METTL15: variants seen among roughly 807,000 people sequenced by gnomAD.
METTL15 encodes methyltransferase 15, mitochondrial 12S rRNA N4-cytidine.
METTL15 carries 34 observed loss-of-function variants against 38.3 expected under a neutral mutation model. That is an observed-to-expected ratio of 0.89 (90% CI 0.68 to 1.18). METTL15 has a LOEUF of 1.18. Among genes scored for constraint, METTL15 ranks in the 50% most tolerant of loss-of-function variants. The pLI is 0.00. For missense variants in METTL15, 438 were observed against 498.4 expected (o/e 0.88, Z 1.15); for synonymous variants, 162 against 170.9 (o/e 0.95, Z 0.41).
At chr11:28,317,285 C>G (rs368976951) in intron 6 of METTL15, among the ~76,000 whole-genome samples, 1 of 152,040 alleles carries the variant, frequency 6.6e-6, no homozygotes, top group South Asian at 2.1e-4. Flanking sequence ...CAGAACCATT[C>G]AAGTTCACAG....
At chr11:28,377,299 A>G (rs868678069) in intron 5 of METTL15, among the ~76,000 whole-genome samples, 3 of 151,858 alleles carry the variant, frequency 2.0e-5, no homozygotes, top group East Asian at 1.9e-4. Flanking sequence ...AGGTACACCA[A>G]TCAGACATAG....
chr11:28,198,661 T>C (rs1234736841), intron 3 of METTL15, among the ~76,000 whole-genome samples: 4 of 152,116 alleles, frequency 2.6e-5, no homozygotes, highest in Non-Finnish European at 4.4e-5. Flanking sequence ...ACAAAGTAAG[T>C]GTTAGCAGAC....
rs1391058369 is a variant in METTL15 at position 28,473,717 on chromosome 11, A to T, written c.*424+49353A>T. Among the ~76,000 whole-genome samples the T allele has an allele frequency of 2.6e-5, 4 of 152,142 alleles. 1 individual carries two copies. In the South Asian group the frequency reaches 6.2e-4, roughly 24 times the overall value. On this transcript the variant is annotated intron_variant and NMD_transcript_variant, in intron 6 of 7. Coordinates refer to the METTL15 transcript ENST00000532947. Reference sequence around the variant, plus strand: ...CGCAGGAGATAAAGAATGGCATTCAAGCTTCTCCACAATTTTGCATTTGCT... The same window carrying T: ...CGCAGGAGATAAAGAATGGCATTCATGCTTCTCCACAATTTTGCATTTGCT...
At chr11:28,113,653 A>C (rs1205759601) in intron 3 of METTL15, 49 bp downstream of exon 3, 1 of 1,572,686 alleles carries the variant, frequency 6.4e-7, no homozygotes, top group Non-Finnish European at 8.6e-7. Context: ...GATAAAATTC[A>C]CTTATTGTAA....
chr11:28,225,160 A>G (rs1853421852), intron 4 of METTL15, among the ~76,000 whole-genome samples: 1 of 151,138 alleles, frequency 6.6e-6, no homozygotes, highest in Non-Finnish European at 1.5e-5. Context: ...CTATCTTGGG[A>G]TTTAGATATT....
At chr11:28,386,162 C>T (rs899558222) in intron 5 of METTL15, among the ~76,000 whole-genome samples, 2 of 151,656 alleles carry the variant, frequency 1.3e-5, no homozygotes, top group African/African-American at 4.8e-5. Context: ...AAAAAATCAA[C>T]AAAACACAAA....
chr11:28,369,071 C>T (rs1850217796), intron 5 of METTL15, among the ~76,000 whole-genome samples: 1 of 151,984 alleles, frequency 6.6e-6, no homozygotes. Context: ...TTGATGGGTG[C>T]AGCAAGCCAC....
intron 6 of METTL15, among the ~76,000 whole-genome samples, chr11:28,475,782 C>T (rs1179979465): frequency 6.6e-6 from 1 of 152,186 alleles, no homozygotes; most frequent in Non-Finnish European, 1.5e-5. Flanking sequence ...CCAAAGCCAA[C>T]CTTCCAGATC....
intron 5 of METTL15, among the ~76,000 whole-genome samples, chr11:28,376,842 T>C (rs539764613): frequency 1.4e-5 from 2 of 147,862 alleles, no homozygotes; most frequent in East Asian, 3.9e-4. Flanking sequence ...GGAGCTCTTT[T>C]AGGGCAGGCC....
chr11:28,249,348 A>C (rs922969608), intron 4 of METTL15, among the ~76,000 whole-genome samples: 2 of 152,030 alleles, frequency 1.3e-5, no homozygotes, highest in African/African-American at 2.4e-5. Context: ...TAGGATAATT[A>C]ATATAAGATA....
At chr11:28,199,346 T>C (rs1426149571) in intron 3 of METTL15, among the ~76,000 whole-genome samples, 1 of 152,172 alleles carries the variant, frequency 6.6e-6, no homozygotes, top group Admixed American at 6.6e-5. Context: ...ATTTTTCTTA[T>C]ATTTGTAGAT....
intron 5 of METTL15, among the ~76,000 whole-genome samples, chr11:28,414,607 T>C (rs866269008): frequency 6.6e-6 from 1 of 152,136 alleles, no homozygotes; most frequent in Non-Finnish European, 1.5e-5. Context: ...TTTGATGCCA[T>C]GTTTCAATGG....
At chr11:28,328,110 A>C (rs371760935) in intron 6 of METTL15, 9 of 1,611,666 alleles carry the variant, frequency 5.6e-6, no homozygotes, top group Non-Finnish European at 7.6e-6. Flanking sequence ...TCTGAAACAT[A>C]TTTCCCAGTG....
At chr11:28,388,807 A>C (rs907746914) in intron 5 of METTL15, among the ~76,000 whole-genome samples, 4 of 151,976 alleles carry the variant, frequency 2.6e-5, no homozygotes, top group Non-Finnish European at 4.4e-5. Flanking sequence ...CATTAGGTAT[A>C]TCTCCTAATG....
intron 4 of METTL15, among the ~76,000 whole-genome samples, chr11:28,217,795 G>A (rs1349705435): frequency 1.3e-5 from 2 of 152,108 alleles, no homozygotes; most frequent in African/African-American, 4.8e-5. Flanking sequence ...AGTTTTCCCA[G>A]CACCATTTAT....
In METTL15 at chr11:28,445,862, A is replaced by G. The variant is rs575488217; in HGVS notation, c.*424+21498A>G. Among the ~76,000 whole-genome samples the G allele has an allele frequency of 2.0e-5, 3 of 152,014 alleles. No individual in the cohort carries two copies. In the South Asian group the frequency reaches 6.2e-4, roughly 32 times the overall value. ...GAGATGAGGTTTTGCCATGTTGCCCAGGCGGTCTCAAACTCCTGGGCTCAA... is the reference window on the plus strand; with the variant it reads ...GAGATGAGGTTTTGCCATGTTGCCCGGGCGGTCTCAAACTCCTGGGCTCAA... On this transcript the variant is annotated intron_variant and NMD_transcript_variant, in intron 6 of 7. Transcript: ENST00000532947.
At chr11:28,375,292 G>C (rs998201130) in intron 5 of METTL15, among the ~76,000 whole-genome samples, 1 of 146,580 alleles carries the variant, frequency 6.8e-6, no homozygotes, top group South Asian at 2.3e-4. Context: ...AATCCATCTG[G>C]TCCTGGACTC....
rs577719976 is a variant in METTL15 at position 28,255,653 on chromosome 11, A to G, written c.408-34553A>G. 3.9e-5 allele frequency among the ~76,000 whole-genome samples: 6 copies of G among 152,322 alleles called. No homozygotes were observed. The South Asian group carries it at 1.2e-3, about 32-fold the overall frequency. On this transcript the variant is annotated intron_variant, in intron 4 of 6. Coordinates refer to ENST00000407364, the MANE Select transcript of METTL15 (RefSeq NM_001113528.2). ...CCCAGTTTTTTAAAGAGTTTTTATT[A>G]TAAAGGTATATTGAATTGTATCAAA... is the stretch of plus-strand genomic sequence containing the variant.
chr11:28,192,828 C>T (rs887316263), intron 3 of METTL15, among the ~76,000 whole-genome samples: 1 of 152,036 alleles, frequency 6.6e-6, no homozygotes, highest in Non-Finnish European at 1.5e-5. Flanking sequence ...GTCAGTAGTG[C>T]CAAGATTGAG....
Sources: allele counts gnomAD v4.1 joint callset (sites outside exome capture counted in the v4.1 genomes callset), GRCh38; gene constraint gnomAD v4.1.1; transcripts MANE v1.5; gene names NCBI Gene and HGNC (gene_info 2026-07-23, HGNC 2026-07-21).